Variants in LAMA2 observed in about 807,000 individuals in gnomAD.
The protein encoded by LAMA2 is laminin subunit alpha-2.
LAMA2 carries 269 observed loss-of-function variants against 364.8 expected under a neutral mutation model. The observed-to-expected ratio is 0.74, with a 90% confidence interval of 0.67 to 0.82. The LOEUF (loss-of-function observed/expected upper bound fraction) is 0.82, where lower values mean the gene tolerates loss of function less well. Ranked by LOEUF, LAMA2 falls within the 40% of genes least tolerant of loss-of-function variation. LAMA2 has a pLI of 0.00. For missense variants in LAMA2, 3,807 were observed against 3,873.2 expected, an observed-to-expected ratio of 0.98 and a Z score of 0.45; for synonymous variants, 1,379 against 1,370.6, an observed-to-expected ratio of 1.01 and a Z score of -0.14.
rs185753906 is a variant in LAMA2 at position 129,329,141 on chromosome 6, A to G, written c.4311+729A>G. On this transcript the variant is annotated intron_variant, in intron 29 of 64. Coordinates refer to ENST00000421865, the MANE Select transcript of LAMA2 (RefSeq NM_000426.4). Reference sequence around the variant, plus strand: ...TGTCACCACTTGTCCCTCAAGCTGTAATCTGCCCACAGCTCATCTTTGTTA... The same window carrying G: ...TGTCACCACTTGTCCCTCAAGCTGTGATCTGCCCACAGCTCATCTTTGTTA... 5.3e-5 allele frequency among the ~76,000 whole-genome samples: 8 copies of G among 152,266 alleles called. No homozygotes were observed. The East Asian group carries it at 1.5e-3, about 29-fold the overall frequency.
intron 41 of LAMA2, among the ~76,000 whole-genome samples, chr6:129,433,262 G>C (rs962032971): frequency 6.6e-6 from 1 of 152,134 alleles, no homozygotes; most frequent in Non-Finnish European, 1.5e-5. Flanking sequence ...TTTCTAAGAA[G>C]TACAAAGATT....
intron 1 of LAMA2, among the ~76,000 whole-genome samples, chr6:129,029,377 T>A (rs1409740843): frequency 6.6e-6 from 1 of 151,932 alleles, no homozygotes; most frequent in Non-Finnish European, 1.5e-5. Flanking sequence ...GTGGAAGGAA[T>A]TTTAGTCAAG....
rs553501123 is a variant in LAMA2, at chr6:129,013,562, G to A, written c.113-36356G>A. Among the ~76,000 whole-genome samples, 27 of 152,298 alleles carry A rather than the reference G, an allele frequency of 1.8e-4. No homozygotes were observed. The South Asian group carries it at 5.0e-3, about 28-fold the overall frequency. On this transcript the variant is annotated intron_variant, in intron 1 of 64. Coordinates refer to ENST00000421865, the MANE Select transcript of LAMA2 (RefSeq NM_000426.4). ...ATAGTATTTTGTATGAGCATAGAAG[G>A]TGTGGGTTAGAGAAATCCAATGTCT...
At chr6:129,152,459 G>C (rs1372038726) in intron 7 of LAMA2, among the ~76,000 whole-genome samples, 3 of 152,098 alleles carry the variant, frequency 2.0e-5, no homozygotes, top group Non-Finnish European at 4.4e-5. Flanking sequence ...TATGCTTCCA[G>C]GAATTTACCC....
At chr6:129,301,018 T>C (rs945104212) in intron 22 of LAMA2, 146 bp downstream of exon 22, 2 of 736,282 alleles carry the variant, frequency 2.7e-6, no homozygotes, top group Admixed American at 2.2e-5. Context: ...TATTAATCAA[T>C]ATCTTACAGT....
At chr6:129,334,994 T>C (rs1775867477) in intron 29 of LAMA2, among the ~76,000 whole-genome samples, 1 of 152,188 alleles carries the variant, frequency 6.6e-6, no homozygotes, top group Admixed American at 6.5e-5. Context: ...ATGATGATAT[T>C]TGGAGATGGG....
chr6:129,280,976 T>G (rs1326680241), intron 18 of LAMA2, among the ~76,000 whole-genome samples: 1 of 152,118 alleles, frequency 6.6e-6, no homozygotes, highest in East Asian at 1.9e-4. Flanking sequence ...CCTGTCATCT[T>G]GGCAGCTATC....
intron 40 of LAMA2, among the ~76,000 whole-genome samples, chr6:129,421,177 T>C (rs2114729283): frequency 6.6e-6 from 1 of 152,126 alleles, no homozygotes; most frequent in East Asian, 1.9e-4. Context: ...ACAGACTTTA[T>C]AATTTCATTT....
At chr6:129,279,269 G>A (rs569813220) in intron 17 of LAMA2, among the ~76,000 whole-genome samples, 2 of 152,222 alleles carry the variant, frequency 1.3e-5, no homozygotes, top group Admixed American at 6.5e-5. Flanking sequence ...TGTATGAGAG[G>A]TGCCTCTCAC....
chr6:129,133,258 C>T (rs918371797), intron 4 of LAMA2, among the ~76,000 whole-genome samples: 2 of 152,106 alleles, frequency 1.3e-5, no homozygotes, highest in Non-Finnish European at 2.9e-5. Context: ...CAGAGCTAGG[C>T]CAGGGGCTGT....
intron 52 of LAMA2, 108 bp from the exon 53 acceptor site, chr6:129,475,282 A>T (rs1224540284): frequency 2.8e-6 from 2 of 721,774 alleles, no homozygotes; most frequent in African/African-American, 3.6e-5. Context: ...CTGTGAAATG[A>T]TTTTTTAAAG....
rs1785743822 is a variant in LAMA2 at position 129,502,704 on chromosome 6, A to C, written c.8290A>C (p.Lys2764Gln). The C allele has an allele frequency of 6.2e-7, 1 of 1,614,002 alleles. No individual in the cohort carries two copies. Among genetic ancestry groups the C allele is most frequent in the Non-Finnish European group, 8.5e-7 (1 of 1,179,970 alleles). Reference sequence around the variant, plus strand: ...AGAACCAGCTCTTTTGATAGGGAGCAAGCAGTTCGGGCTTTCAAGAAACAG... The same window carrying C: ...AGAACCAGCTCTTTTGATAGGGAGCCAGCAGTTCGGGCTTTCAAGAAACAG... ...ESEPALLIGS[K>Q]QFGLSRNSHI... Residue 2764 changes from lysine (K) to glutamine (Q), a missense_variant, in exon 59 of 65, where the codon AAG becomes CAG. Physicochemically the swap from Lys to Gln is moderately conservative, Grantham distance 53 (BLOSUM62 1). Around this residue, in one of 3 missense-constraint regions of LAMA2, gnomAD observed 3,333 missense variants for 3,345.7 expected, o/e 1.00. Transcript: ENST00000421865.
chr6:129,187,867 C>G (rs1331288726), intron 10 of LAMA2, among the ~76,000 whole-genome samples: 1 of 151,760 alleles, frequency 6.6e-6, no homozygotes, highest in Non-Finnish European at 1.5e-5. Flanking sequence ...ATTAGGGATG[C>G]TCAACCTGCA....
At chr6:129,142,912 A>C (rs1778213487) in intron 4 of LAMA2, among the ~76,000 whole-genome samples, 1 of 151,962 alleles carries the variant, frequency 6.6e-6, no homozygotes, top group Non-Finnish European at 1.5e-5. Context: ...TTTTCTTTGA[A>C]TAGGGCCCTC....
intron 1 of LAMA2, among the ~76,000 whole-genome samples, chr6:128,951,788 T>TA (rs1022791953): frequency 2.0e-5 from 3 of 152,194 alleles, no homozygotes; most frequent in Admixed American, 6.5e-5. Context: ...CTATTTTGTT[T>TA]AAAAAAAACT....
intron 12 of LAMA2, among the ~76,000 whole-genome samples, chr6:129,232,409 G>A (rs265330): frequency 0.6 from 91,346 of 151,850 alleles, 31,338 homozygotes; most frequent in Non-Finnish European, 0.76. Context: ...CCTTTCCCAG[G>A]TGTTATAATT....
rs41285290 is a variant in LAMA2, at chr6:129,503,015, C to T, written c.8358-76C>T. The T allele has an allele frequency of 0.011, 15,552 of 1,361,432 alleles. 122 individuals carry two copies. The highest frequency in any genetic ancestry group is 0.014 in the Non-Finnish European group (13,417 of 951,512). 84.3% of individuals were successfully genotyped at this position (1,361,432 alleles called of 1,614,324 possible). A position where few individuals can be genotyped will look rare whatever the true frequency, so the allele number is the denominator to read the frequency against. ...ACTCTCCTTTATGAAAATGCAGCCA[C>T]GATCTGATACCGCTCTATTTTAGCA... On this transcript the variant is annotated intron_variant, in intron 59 of 64. Coordinates refer to ENST00000421865, the MANE Select transcript of LAMA2 (RefSeq NM_000426.4).
At chr6:129,328,530 T>G in intron 29 of LAMA2, 118 bp downstream of exon 29, 1 of 1,496,744 alleles carries the variant, frequency 6.7e-7, no homozygotes, top group Non-Finnish European at 9.2e-7. Flanking sequence ...GTGTGTGAAA[T>G]AAAATATGTA....
At position 129,075,110 on chromosome 6, in the gene LAMA2, C is replaced by T. The variant is rs547361521; in HGVS notation, c.396+15214C>T. ...CATAAGATTATAATAAGATTATAGA[C>T]GGTGATGAAAGAGCTAATTTACATG... On this transcript the variant is annotated intron_variant, in intron 3 of 64. Coordinates refer to ENST00000421865, the MANE Select transcript of LAMA2 (RefSeq NM_000426.4). 4.0e-5 allele frequency among the ~76,000 whole-genome samples: 6 copies of T among 151,730 alleles called. No homozygotes were observed. In the South Asian group the frequency reaches 6.3e-4, roughly 16 times the overall value.
Sources: gnomAD v4.1 joint callset for allele counts (sites outside exome capture counted in the v4.1 genomes callset) on GRCh38, gnomAD v4.1.1 for gene constraint, gnomAD v4.1.1 regional missense constraint, MANE v1.5 for transcripts, NCBI Gene and HGNC (gene_info 2026-07-23, HGNC 2026-07-21) for gene names.